RAI14: variants seen among roughly 807,000 people sequenced by gnomAD.
The protein encoded by RAI14 is retinoic acid induced 14.
In RAI14, 45 loss-of-function variants were observed where a neutral mutation model predicts 115.4. The observed-to-expected ratio is 0.39, with a 90% confidence interval of 0.31 to 0.50. The LOEUF (loss-of-function observed/expected upper bound fraction) is 0.50. Among genes scored for constraint, RAI14 ranks in the 20% least tolerant of loss-of-function variants. The pLI, the probability that RAI14 is intolerant of heterozygous loss-of-function variation, is 0.85. For missense variants in RAI14, 939 were observed against 1,131.2 expected (o/e 0.83, Z 2.44); for synonymous variants, 371 against 415.4 (o/e 0.89, Z 1.30).
At chr5:34,738,163 G>A (rs1444116597) in intron 2 of RAI14, among the ~76,000 whole-genome samples, 1 of 152,056 alleles carries the variant, frequency 6.6e-6, no homozygotes, top group African/African-American at 2.4e-5. Flanking sequence ...AGTGGCTCAT[G>A]TCTGAACCCC....
intron 3 of RAI14, among the ~76,000 whole-genome samples, chr5:34,766,310 C>T (rs1398354198): frequency 6.6e-6 from 1 of 152,152 alleles, no homozygotes; most frequent in Non-Finnish European, 1.5e-5. Flanking sequence ...TGCAGACACT[C>T]AACACCAGCC....
intron 1 of RAI14, among the ~76,000 whole-genome samples, chr5:34,662,033 C>T (rs1742730495): frequency 6.6e-6 from 1 of 152,212 alleles, no homozygotes. Context: ...AGAAGGTCCT[C>T]CTGCTTCAGC....
At chr5:34,694,919 GACAGAGTCTCGCTCTGT>G (rs1053691794) in intron 2 of RAI14, among the ~76,000 whole-genome samples, 3 of 152,120 alleles carry the variant, frequency 2.0e-5, no homozygotes, top group Admixed American at 6.6e-5. Context: ...ATGTGTGTGT[GACAGAGTCTCGCTCTGT>G]CACCCAGGCT....
intron 3 of RAI14, among the ~76,000 whole-genome samples, chr5:34,772,379 T>C (rs1750276391): frequency 6.6e-6 from 1 of 152,180 alleles, no homozygotes; most frequent in Non-Finnish European, 1.5e-5. Flanking sequence ...TGCCATACTT[T>C]TAATGGCAGA....
intron 2 of RAI14, among the ~76,000 whole-genome samples, chr5:34,715,401 G>A (rs971135348): frequency 2.0e-5 from 3 of 152,134 alleles, no homozygotes; most frequent in Admixed American, 6.5e-5. Context: ...CTTGGTCCAC[G>A]CCCCAGTATT....
chr5:34,769,608 G>A (rs565419408), intron 3 of RAI14, among the ~76,000 whole-genome samples: 162 of 152,316 alleles, frequency 1.1e-3, no homozygotes, highest in African/African-American at 3.6e-3. Context: ...GAGGAGAAAA[G>A]GCTTAGTAAT....
intron 16 of RAI14, among the ~76,000 whole-genome samples, chr5:34,829,486 A>G (rs1478846912): frequency 2.0e-5 from 3 of 152,114 alleles, no homozygotes; most frequent in Non-Finnish European, 4.4e-5. Flanking sequence ...TGGGGTGATA[A>G]TAACTCCTTT....
At chr5:34,800,984 T>A (rs1030234013) in intron 4 of RAI14, among the ~76,000 whole-genome samples, 1 of 152,190 alleles carries the variant, frequency 6.6e-6, no homozygotes, top group African/African-American at 2.4e-5. Context: ...ACAGAAACAG[T>A]GGTATAAGTG....
In RAI14 at chr5:34,812,226, A is replaced by T; in HGVS notation, c.765+18A>T. 1 of 1,571,246 alleles carries T rather than the reference A, an allele frequency of 6.4e-7. No homozygotes were observed. Among genetic ancestry groups the T allele is most frequent in the Non-Finnish European group, 8.7e-7 (1 of 1,148,386 alleles). Reference sequence around the variant, plus strand: ...CAAAGCAGGTATTTATCTTTGGGGGAGGCTTCTATGTTTCATTTATGCTTG... The same window carrying T: ...CAAAGCAGGTATTTATCTTTGGGGGTGGCTTCTATGTTTCATTTATGCTTG... On this transcript the variant is annotated intron_variant, in intron 10 of 17. Transcript: ENST00000265109.
At chr5:34,675,007 C>T (rs1743880879) in intron 1 of RAI14, among the ~76,000 whole-genome samples, 2 of 152,074 alleles carry the variant, frequency 1.3e-5, no homozygotes, top group African/African-American at 4.8e-5. Flanking sequence ...AGTGATTCTC[C>T]TGCCTCAGCT....
At chr5:34,787,289 A>G (rs537840145) in intron 3 of RAI14, among the ~76,000 whole-genome samples, 67 of 152,356 alleles carry the variant, frequency 4.4e-4, no homozygotes, top group Non-Finnish European at 6.6e-4. Flanking sequence ...ATGTGTCTAC[A>G]CAACCACTCG....
intron 3 of RAI14, among the ~76,000 whole-genome samples, chr5:34,788,283 G>A (rs796270849): frequency 2.0e-5 from 3 of 152,096 alleles, no homozygotes; most frequent in African/African-American, 7.2e-5. Context: ...GTGCATTGTA[G>A]AGATGGTCAG....
intron 1 of RAI14, chr5:34,685,011 T>C (rs1472128393): frequency 1.7e-4 from 6 of 35,232 alleles, no homozygotes; most frequent in African/African-American, 7.5e-4. Context: ...TTGACCTAAG[T>C]GTATTTTCAT....
chr5:34,785,262 T>C (rs1307992235), intron 3 of RAI14, among the ~76,000 whole-genome samples: 3 of 152,090 alleles, frequency 2.0e-5, no homozygotes, highest in Non-Finnish European at 4.4e-5. Context: ...AAAAATGATA[T>C]CCTAAACCTT....
At chr5:34,735,292 G>A (rs564662732) in intron 2 of RAI14, among the ~76,000 whole-genome samples, 4 of 152,148 alleles carry the variant, frequency 2.6e-5, no homozygotes, top group African/African-American at 9.6e-5. Context: ...ACTTGTTTAC[G>A]GTGAATCTTG....
chr5:34,779,922 A>G (rs976846288), intron 3 of RAI14, among the ~76,000 whole-genome samples: 2 of 152,192 alleles, frequency 1.3e-5, no homozygotes, highest in African/African-American at 4.8e-5. Flanking sequence ...AGTCAATCCT[A>G]AGCCAAAAAA....
At chr5:34,751,246 G>T (rs1219249123) in intron 2 of RAI14, among the ~76,000 whole-genome samples, 2 of 150,542 alleles carry the variant, frequency 1.3e-5, no homozygotes, top group East Asian at 2.0e-4. Flanking sequence ...GGGTTCAAGC[G>T]ATTCTCCTGC....
In RAI14 at chr5:34,713,347, G is replaced by A. The variant is rs190066958; in HGVS notation, c.36+26392G>A. ...GGAAGGAGAGACTCACTAAAGGGAG[G>A]ATCTCACAAGATAGGCAGAATTTCA... On this transcript the variant is annotated intron_variant, in intron 2 of 17. Coordinates refer to ENST00000265109, the MANE Select transcript of RAI14 (RefSeq NM_015577.3). Among the ~76,000 whole-genome samples the A allele has an allele frequency of 2.6e-5, 4 of 152,196 alleles. No individual in the cohort carries two copies. The East Asian group carries it at 7.7e-4, about 29-fold the overall frequency.
At chr5:34,670,536 T>A (rs1743542216) in intron 1 of RAI14, among the ~76,000 whole-genome samples, 2 of 152,216 alleles carry the variant, frequency 1.3e-5, no homozygotes, top group African/African-American at 4.8e-5. Context: ...TCATTGCTAA[T>A]GTCATCATGC....
Sources: gnomAD v4.1 joint callset for allele counts (sites outside exome capture counted in the v4.1 genomes callset) on GRCh38, gnomAD v4.1.1 for gene constraint, MANE v1.5 for transcripts, NCBI Gene and HGNC (gene_info 2026-07-23, HGNC 2026-07-21) for gene names.